The following KLF12 variants were observed in gnomAD, a reference collection of about 807,000 sequenced individuals.
KLF12 encodes the protein KLF transcription factor 12, also known as Krueppel-like factor 12.
Under a neutral mutation model 37.8 loss-of-function variants are expected in KLF12, and 9 were observed. The ratio of observed to expected loss-of-function variants is 0.24; its 90% CI spans 0.14 to 0.42. KLF12 has a LOEUF of 0.42. KLF12 is among the 10% of genes least tolerant of loss of function. The pLI, the probability that KLF12 is intolerant of heterozygous loss-of-function variation, is 1.00. For synonymous variants in KLF12, 208 were observed against 202.1 expected (o/e 1.03, Z -0.25); for missense variants, 411 against 516.0 (o/e 0.80, Z 1.97).
At chr13:73,766,877 T>A (rs931112759) in intron 5 of KLF12, among the ~76,000 whole-genome samples, 13 of 152,188 alleles carry the variant, frequency 8.5e-5, no homozygotes, top group Non-Finnish European at 1.5e-5. Context: ...GGTATTTGTA[T>A]CTTTTAGGAA....
intron 3 of KLF12, among the ~76,000 whole-genome samples, chr13:73,936,974 G>A (rs774371874): frequency 1.3e-5 from 2 of 152,102 alleles, no homozygotes; most frequent in East Asian, 1.9e-4. Flanking sequence ...GGTGGATCAC[G>A]AGGTCAGAAG....
chr13:73,853,674 G>A (rs1041574784), intron 3 of KLF12, among the ~76,000 whole-genome samples: 4 of 151,406 alleles, frequency 2.6e-5, no homozygotes, highest in Non-Finnish European at 5.9e-5. Flanking sequence ...GGGAGGTGAA[G>A]GTTGCAGTGA....
At chr13:73,798,235 T>C (rs1882102390) in intron 5 of KLF12, among the ~76,000 whole-genome samples, 1 of 152,128 alleles carries the variant, frequency 6.6e-6, no homozygotes, top group Admixed American at 6.5e-5. Flanking sequence ...GAGTGAAGCT[T>C]GACCCCTTCC....
At chr13:73,815,632 A>G (rs1428059960) in intron 4 of KLF12, among the ~76,000 whole-genome samples, 1 of 152,232 alleles carries the variant, frequency 6.6e-6, no homozygotes, top group African/African-American at 2.4e-5. Context: ...ATGGTGTTGC[A>G]TACACCTGTA....
upstream of KLF12, among the ~76,000 whole-genome samples, chr13:74,137,053 C>T (rs1007501633): frequency 2.6e-5 from 4 of 152,114 alleles, no homozygotes; most frequent in Non-Finnish European, 5.9e-5. Flanking sequence ...CGTTTCCAAA[C>T]TAGTTCATGT....
At chr13:73,833,062 A>G (rs1884248749) in intron 4 of KLF12, among the ~76,000 whole-genome samples, 1 of 152,188 alleles carries the variant, frequency 6.6e-6, no homozygotes, top group Non-Finnish European at 1.5e-5. Context: ...GATGCAGTTA[A>G]CTGCAGTGGG....
intron 2 of KLF12, among the ~76,000 whole-genome samples, chr13:73,975,657 A>G (rs1479773202): frequency 1.3e-5 from 2 of 152,148 alleles, no homozygotes; most frequent in Non-Finnish European, 2.9e-5. Context: ...TATAAGTCTC[A>G]TTATACTTTG....
At chr13:74,003,736 T>C (rs1314297540) in intron 1 of KLF12, among the ~76,000 whole-genome samples, 1 of 152,186 alleles carries the variant, frequency 6.6e-6, no homozygotes, top group African/African-American at 2.4e-5. Context: ...TTACAGATGG[T>C]GTTTCTGCAC....
At chr13:74,145,346 G>T in the KLF12 span, among the ~76,000 whole-genome samples, 167 of 152,248 alleles carry the variant, frequency 1.1e-3, 1 homozygote, top group African/African-American at 3.8e-3. Context: ...GTTGAGTAGG[G>T]TTTGTTGTCA....
At chr13:74,061,129 CT>C (rs1873569108) in intron 1 of KLF12, among the ~76,000 whole-genome samples, 1 of 152,282 alleles carries the variant, frequency 6.6e-6, no homozygotes, top group East Asian at 1.9e-4. Flanking sequence ...TAACTTTGGT[CT>C]TTTTATGTAG....
At chr13:73,987,701 G>A (rs1891859991) in intron 2 of KLF12, among the ~76,000 whole-genome samples, 1 of 136,992 alleles carries the variant, frequency 7.3e-6, no homozygotes, top group Non-Finnish European at 1.6e-5. Flanking sequence ...AGAAGTGGGA[G>A]AGGAGAGAGA....
At chr13:73,994,055 A>G (rs1215795694) in intron 2 of KLF12, among the ~76,000 whole-genome samples, 1 of 152,224 alleles carries the variant, frequency 6.6e-6, no homozygotes, top group African/African-American at 2.4e-5. Flanking sequence ...CCACAGGTCT[A>G]AACACTTTAC....
chr13:74,136,436 A>G (rs974349388), upstream of KLF12, among the ~76,000 whole-genome samples: 1 of 152,218 alleles, frequency 6.6e-6, no homozygotes, highest in African/African-American at 2.4e-5. Flanking sequence ...TGCCTCTACT[A>G]GAATCACTGT....
chr13:74,275,330 C>A, the KLF12 span, among the ~76,000 whole-genome samples: 1 of 152,280 alleles, frequency 6.6e-6, no homozygotes, highest in Admixed American at 6.5e-5. Context: ...TACGGGGAAC[C>A]ATTGGAGGGT....
At chr13:73,852,637 C>T (rs1049465044) in intron 3 of KLF12, among the ~76,000 whole-genome samples, 1 of 151,676 alleles carries the variant, frequency 6.6e-6, no homozygotes, top group East Asian at 2.0e-4. Flanking sequence ...ATTAGCCGGG[C>T]GTGGTGGCGC....
the KLF12 span, among the ~76,000 whole-genome samples, chr13:74,254,284 G>A: frequency 1.3e-5 from 2 of 152,188 alleles, no homozygotes; most frequent in African/African-American, 4.8e-5. Context: ...GACAGAAAAT[G>A]AAAGTATGGA....
chr13:74,136,168 C>G (rs941633969), upstream of KLF12, among the ~76,000 whole-genome samples: 1 of 152,074 alleles, frequency 6.6e-6, no homozygotes, highest in African/African-American at 2.4e-5. Flanking sequence ...GAAGTAGCCT[C>G]AGCGGCGGGA....
the KLF12 span, among the ~76,000 whole-genome samples, chr13:74,249,359 C>CAT: frequency 3.3e-3 from 442 of 132,162 alleles, 1 homozygote; most frequent in Non-Finnish European, 5.6e-3. Flanking sequence ...CACACACACA[C>CAT]ACACACACAC....
the KLF12 span, among the ~76,000 whole-genome samples, chr13:74,296,965 A>C: frequency 6.6e-6 from 1 of 152,218 alleles, no homozygotes; most frequent in Non-Finnish European, 1.5e-5. Flanking sequence ...CTTGATGAGC[A>C]GTTGTGATCC....
Sources: allele counts gnomAD v4.1 joint callset (sites outside exome capture counted in the v4.1 genomes callset), GRCh38; gene constraint gnomAD v4.1.1; transcripts MANE v1.5; gene names NCBI Gene and HGNC (gene_info 2026-07-23, HGNC 2026-07-21).